Variants in GBP1 observed in about 807,000 individuals in gnomAD.
GBP1 encodes guanylate-binding protein 1.
A neutral mutation model predicts 69.5 loss-of-function variants in GBP1; 64 were observed. The observed-to-expected ratio is 0.92, with a 90% CI of 0.75 to 1.13. GBP1 has a LOEUF of 1.13. Among genes scored for constraint, GBP1 ranks in the 50% most tolerant of loss-of-function variants. The pLI is 0.00. For synonymous variants in GBP1, 250 were observed against 261.2 expected (o/e 0.96, Z 0.41); for missense variants, 630 against 704.1 (o/e 0.89, Z 1.19).
chr1:89,056,710 G>T, intron 7 of GBP1, 144 bp downstream of exon 7: 1 of 988,102 alleles, frequency 1.0e-6, no homozygotes, highest in Non-Finnish European at 1.5e-6. Context: ...TGGTCCTTCT[G>T]ACTGATGTGA....
At chr1:89,059,179 G>C in intron 4 of GBP1, 136 bp from the exon 5 acceptor site, 1 of 1,589,288 alleles carries the variant, frequency 6.3e-7, no homozygotes, top group Non-Finnish European at 8.6e-7. Context: ...GGATACATGG[G>C]ATCTCTCCTC....
chr1:89,064,216 T>C (rs1258279887), intron 1 of GBP1, among the ~76,000 whole-genome samples: 177 of 58,714 alleles, frequency 3.0e-3, no homozygotes, highest in African/African-American at 7.7e-3. Flanking sequence ...TGTGTGTGTG[T>C]GTGTGTGTGT....
Position 89,053,375 on chromosome 1 carries a change from T to G in GBP1, c.1759A>C (p.Lys587Gln). The change falls in exon 11 of 11, where the codon AAG becomes CAG. Residue 587 changes from lysine to glutamine, a missense_variant. This residue lies in a region of GBP1 where 71 missense variants were observed against 72.7 expected (regional missense o/e 0.98). Transcript: ENST00000370473. ...GGTCTTTAGCTTATGGTACATGCCT[T>G]TCGTCGTCTCATTTTCGTCTGGAGA... ...QDLQTKMRRR[K>Q]ACTIS The G allele has an allele frequency of 6.2e-7, 1 of 1,613,584 alleles. No individual in the cohort carries two copies. Among genetic ancestry groups the G allele is most frequent in the South Asian group, 1.1e-5 (1 of 91,034 alleles).
Position 89,056,013 on chromosome 1 carries a change from T to C in GBP1, c.1368+3A>G. The C allele has an allele frequency of 1.2e-6, 2 of 1,613,986 alleles. No homozygotes were observed. The highest frequency in any genetic ancestry group is 2.2e-5 in the South Asian group (2 of 91,080). ...CCATAATTGACAGATAAATCTTGGT[T>C]ACCTGTATCCCCTTCCTCGGTTCCT... is the stretch of plus-strand genomic sequence containing the variant. On this transcript the variant is annotated splice_donor_region_variant and intron_variant, in intron 8 of 10. Transcript: ENST00000370473.
In GBP1 at chr1:89,058,088, G is replaced by A; in HGVS notation, c.778C>T (p.Pro260Ser). Reference sequence around the variant, plus strand: ...TCTGCTACTTGTTGCACAAATTCGGGGTCCAGCTCTTCATCTTGTAGTTTC... The same window carrying A: ...TCTGCTACTTGTTGCACAAATTCGGAGTCCAGCTCTTCATCTTGTAGTTTC... ...LEKLQDEELD[P>S]EFVQQVADFC... Residue 260 changes from proline (P) to serine (S), a missense_variant, in exon 6 of 11, where the codon CCC becomes TCC. Transcript: ENST00000370473. 1.2e-6 allele frequency: 2 copies of A among 1,614,136 alleles called. No homozygotes were observed. The highest frequency in any genetic ancestry group is 1.6e-4 in the Middle Eastern group (1 of 6,062).
rs1680045050 is a variant in GBP1, at chr1:89,056,339, T to G, written c.1156-111A>C. The G allele has an allele frequency of 3.2e-6, 5 of 1,549,140 alleles. No homozygotes were observed. In the South Asian group the frequency reaches 5.8e-5, roughly 18 times the overall value. On this transcript the variant is annotated intron_variant, in intron 7 of 10. Transcript: ENST00000370473. Reference sequence around the variant, plus strand: ...TAGAAGTCAATGATGCTGGAGAAACTGACAGCCTCCTCACCAGGACCACAC... The same window carrying G: ...TAGAAGTCAATGATGCTGGAGAAACGGACAGCCTCCTCACCAGGACCACAC...
intron 8 of GBP1, 76 bp downstream of exon 8, chr1:89,055,940 G>A (rs1330437822): frequency 6.4e-7 from 1 of 1,554,266 alleles, no homozygotes; most frequent in Non-Finnish European, 8.9e-7. Context: ...TCTGTATGCA[G>A]TGAAGCTTGG....
At position 89,058,922 on chromosome 1, in the gene GBP1, C is replaced by T; in HGVS notation, c.550G>A (p.Asp184Asn). The T allele has an allele frequency of 6.2e-7, 1 of 1,614,200 alleles. No homozygotes were observed. Among genetic ancestry groups the T allele is most frequent in the Non-Finnish European group, 8.5e-7 (1 of 1,180,034 alleles). Residue 184 changes from aspartate (D) to asparagine (N), a missense_variant, in exon 5 of 11, where the codon GAT becomes AAT. Around this residue, in one of 5 missense-constraint regions of GBP1, gnomAD observed 367 missense variants for 369.5 expected, o/e 0.99. Transcript: ENST00000370473. ...TCTGCTTCCAAGTCCAGGGAGAAAT[C>T]TCTCAGTGTCCACACAAAGTCTGGG... ...FFPDFVWTLR[D>N]FSLDLEADGQ...
At chr1:89,061,256 TCACA>T (rs1337862073) in intron 2 of GBP1, among the ~76,000 whole-genome samples, 1 of 152,188 alleles carries the variant, frequency 6.6e-6, no homozygotes, top group Non-Finnish European at 1.5e-5. Context: ...AGTTGGAGTC[TCACA>T]GTTTCTGAGT....
chr1:89,056,635 C>T (rs1208381848), intron 7 of GBP1, among the ~76,000 whole-genome samples: 3 of 152,066 alleles, frequency 2.0e-5, no homozygotes, highest in Admixed American at 6.5e-5. Context: ...CAGTTGTATG[C>T]ATAAGTAAAG....
Position 89,064,234 on chromosome 1 carries a change from TGTGTGTGA to T in GBP1, c.-20+918_-20+925del, listed in dbSNP as rs1233473466. Among the ~76,000 whole-genome samples, 236 of 116,462 alleles carry T rather than the reference TGTGTGTGA, an allele frequency of 2.0e-3. 2 individuals are homozygous for T. The highest frequency in any genetic ancestry group is 6.8e-3 in the African/African-American group (210 of 30,712). The allele number at this position is 116,462 out of a possible 152,430, so 76.4% of individuals were successfully genotyped here. On this transcript the variant is annotated intron_variant, in intron 1 of 10. Transcript: ENST00000370473. ...GTGTGTGTGTGTGTGTGTGTGTGTGTGTGTGTGAGAGAGAGAGAGAGAGAGAGAGAGAG... is the reference window on the plus strand; with the variant it reads ...GTGTGTGTGTGTGTGTGTGTGTGTGTGAGAGAGAGAGAGAGAGAGAGAGAG...
chr1:89,055,850 C>G (rs568780934), intron 8 of GBP1, 166 bp downstream of exon 8: 2 of 805,254 alleles, frequency 2.5e-6, no homozygotes, highest in Middle Eastern at 2.4e-4. Context: ...TGATGAGCAC[C>G]TAGGACATAT....
At position 89,055,200 on chromosome 1, in the gene GBP1, G is replaced by A. The variant is rs1224754027; in HGVS notation, c.1384C>T (p.Gln462Ter). ...RKGIQAEEIL[Q>*]TYLKSKESMT... ...GACTCCTTGGATTTCAAGTATGTCT[G>A]CAGAATCTCTTCAGCCTTAGGACCC... Residue 462 changes from glutamine to a stop codon, truncating the protein, a stop_gained, in exon 9 of 11, where the codon CAG becomes TAG. Transcript: ENST00000370473. LOFTEE classifies it high-confidence loss of function. 6.2e-7 allele frequency: 1 copy of A among 1,613,158 alleles called. No homozygotes were observed. The highest frequency in any genetic ancestry group is 8.5e-7 in the Non-Finnish European group (1 of 1,179,810).
At chr1:89,061,014 A>G (rs1249246036) in intron 2 of GBP1, among the ~76,000 whole-genome samples, 3 of 152,308 alleles carry the variant, frequency 2.0e-5, no homozygotes, top group African/African-American at 7.2e-5. Context: ...TGAAAACTTC[A>G]AACACCCTTT....
chr1:89,058,815 A>C (rs1369605275), intron 5 of GBP1, 26 bp downstream of exon 5: 1 of 1,610,060 alleles, frequency 6.2e-7, no homozygotes, highest in African/African-American at 1.3e-5. Flanking sequence ...TCTCATCCTC[A>C]TTTATCAGTT....
rs1232452307 is a variant in GBP1 at position 89,062,208 on chromosome 1, GA to G, written c.190+836del. ...AAGCAGGGACTTGAACAGATATTCA[GA>G]CACCCATGTTCCTATTAGCATTATT... On this transcript the variant is annotated intron_variant, in intron 2 of 10. Transcript: ENST00000370473. Among the ~76,000 whole-genome samples, 3 of 152,220 alleles carry G rather than the reference GA, an allele frequency of 2.0e-5. No individual in the cohort carries two copies. The East Asian group carries it at 5.8e-4, about 29-fold the overall frequency.
Position 89,058,899 on chromosome 1 carries a change from T to C in GBP1, c.573A>G (p.Ala191=), listed in dbSNP as rs1426105674. ...CATCTGGTGTGAGGGGTTGTCCATC[T>C]GCTTCCAAGTCCAGGGAGAAATCTC... The part of the protein sequence containing the change: ...TLRDFSLDLE[A]DGQPLTPDEY... The change falls in exon 5 of 11, where the codon GCA becomes GCG. Residue 191 remains alanine, a synonymous_variant. Coordinates refer to ENST00000370473, the MANE Select transcript of GBP1 (RefSeq NM_002053.3). The C allele has an allele frequency of 7.4e-6, 12 of 1,614,230 alleles. No homozygotes were observed. The highest frequency in any genetic ancestry group is 1.6e-4 in the Middle Eastern group (1 of 6,062).
At chr1:89,059,753 A>T (rs1314157895) in intron 3 of GBP1, among the ~76,000 whole-genome samples, 1 of 151,442 alleles carries the variant, frequency 6.6e-6, no homozygotes, top group African/African-American at 2.4e-5. Context: ...TAAATTTAAA[A>T]TTTTCTCTTC....
intron 5 of GBP1, 22 bp downstream of exon 5, chr1:89,058,819 A>G: frequency 6.2e-7 from 1 of 1,609,340 alleles, no homozygotes; most frequent in Non-Finnish European, 8.5e-7. Context: ...ATCCTCATTT[A>G]TCAGTTGAAG....
Sources: gnomAD v4.1 joint callset for allele counts (sites outside exome capture counted in the v4.1 genomes callset) on GRCh38, gnomAD v4.1.1 for gene constraint, gnomAD v4.1.1 regional missense constraint, MANE v1.5 for transcripts, NCBI Gene and HGNC (gene_info 2026-07-23, HGNC 2026-07-21) for gene names.